ARHGAP39: variants seen among roughly 807,000 people sequenced by gnomAD.
ARHGAP39 encodes the protein rho GTPase-activating protein 39.
Under a neutral mutation model 106.9 loss-of-function variants are expected in ARHGAP39, and 44 were observed. The observed-to-expected ratio is 0.41, with a 90% CI of 0.32 to 0.53. ARHGAP39 has a LOEUF of 0.53. ARHGAP39 is among the 20% of genes least tolerant of loss of function. The probability of loss-of-function intolerance (pLI) is 0.21; values close to 1 mark genes in which losing one functional copy is unlikely to be tolerated. For missense variants in ARHGAP39, 1,496 were observed against 1,577.3 expected, an observed-to-expected ratio of 0.95 and a Z score of 0.87; for synonymous variants, 768 against 693.2, an observed-to-expected ratio of 1.11 and a Z score of -1.69.
chr8:144,622,521 G>A (rs1340589375), intron 1 of ARHGAP39, among the ~76,000 whole-genome samples: 1 of 152,052 alleles, frequency 6.6e-6, no homozygotes, highest in African/African-American at 2.4e-5. Flanking sequence ...TCCCAGGAGA[G>A]GAGGCCCAGT....
At chr8:144,544,819 T>C (rs1442834008) in intron 6 of ARHGAP39, among the ~76,000 whole-genome samples, 2 of 152,252 alleles carry the variant, frequency 1.3e-5, no homozygotes, top group African/African-American at 2.4e-5. Flanking sequence ...GCCAGGACCA[T>C]GCCCAGAAGA....
intron 1 of ARHGAP39, among the ~76,000 whole-genome samples, chr8:144,666,564 A>G: frequency 6.6e-6 from 1 of 152,144 alleles, no homozygotes. Flanking sequence ...GTGATAGTGA[A>G]TAAGTCTCAC....
intron 3 of ARHGAP39, among the ~76,000 whole-genome samples, chr8:144,560,350 G>C (rs1337431529): frequency 2.0e-5 from 3 of 152,056 alleles, no homozygotes; most frequent in Admixed American, 1.3e-4. Flanking sequence ...CAGGAGAATC[G>C]CTTGAACCCA....
chr8:144,531,192 G>C (rs964633330), intron 10 of ARHGAP39, among the ~76,000 whole-genome samples: 1 of 147,842 alleles, frequency 6.8e-6, no homozygotes, highest in Non-Finnish European at 1.5e-5. Flanking sequence ...ACAGGGCAGA[G>C]AGCAGCAGGT....
At chr8:144,608,854 T>C (rs573240317) in intron 1 of ARHGAP39, among the ~76,000 whole-genome samples, 10 of 152,236 alleles carry the variant, frequency 6.6e-5, no homozygotes, top group Non-Finnish European at 1.3e-4. Flanking sequence ...CAAAATATAA[T>C]TTCCAATTTT....
At chr8:144,572,768 C>T (rs199676124) in intron 3 of ARHGAP39, among the ~76,000 whole-genome samples, 5 of 152,174 alleles carry the variant, frequency 3.3e-5, no homozygotes, top group South Asian at 4.2e-4. Flanking sequence ...AAAGAACTTA[C>T]ACAAATTTAC....
At chr8:144,605,748 A>T in intron 1 of ARHGAP39, 53 bp from the exon 2 acceptor site, 3 of 830,452 alleles carry the variant, frequency 3.6e-6, no homozygotes, top group Non-Finnish European at 5.8e-6. Context: ...TCACCACACC[A>T]ATCACCCGGC....
intron 1 of ARHGAP39, among the ~76,000 whole-genome samples, chr8:144,664,380 C>G (rs1821907818): frequency 6.6e-6 from 1 of 152,176 alleles, no homozygotes; most frequent in African/African-American, 2.4e-5. Flanking sequence ...ATGGCCACTA[C>G]CCAACTTCAG....
intron 1 of ARHGAP39, among the ~76,000 whole-genome samples, chr8:144,668,172 T>C (rs924122896): frequency 1.3e-5 from 2 of 152,182 alleles, no homozygotes; most frequent in African/African-American, 4.8e-5. Flanking sequence ...CCAGGTGCAG[T>C]GGCTTACACC....
At chr8:144,693,090 A>G in the ARHGAP39 span, among the ~76,000 whole-genome samples, 1 of 87,124 alleles carries the variant, frequency 1.1e-5, no homozygotes, top group Non-Finnish European at 2.1e-5. Context: ...ATTGAGACAG[A>G]GCCTTGCTCT....
intron 1 of ARHGAP39, among the ~76,000 whole-genome samples, chr8:144,623,938 A>G (rs955542369): frequency 2.0e-5 from 3 of 152,214 alleles, no homozygotes; most frequent in Non-Finnish European, 2.9e-5. Context: ...TTGGGGTGAC[A>G]ACAGCACACC....
chr8:144,582,025 C>T (rs886438197), intron 2 of ARHGAP39, among the ~76,000 whole-genome samples: 1 of 152,104 alleles, frequency 6.6e-6, no homozygotes, highest in Non-Finnish European at 1.5e-5. Context: ...TCGCCATCAC[C>T]GGGCTGGTGA....
chr8:144,547,390 C>T lies in ARHGAP39; in HGVS notation c.1696G>A (p.Ala566Thr), dbSNP rs769319003. ...QARLAWEAQQ[A>T]HFHMKQRSSW... is the part of the protein sequence containing the mutation. ...CTCCTCTGCTTCATGTGGAAGTGGGCCTGCTGCGCCTCCCAGGCCAGCCGA... is the reference window on the plus strand; with the variant it reads ...CTCCTCTGCTTCATGTGGAAGTGGGTCTGCTGCGCCTCCCAGGCCAGCCGA... The change falls in exon 5 of 12, where the codon GCC becomes ACC. Residue 566 changes from alanine to threonine, a missense_variant. This residue lies in a region of ARHGAP39 where 905 missense variants were observed against 816.4 expected (regional missense o/e 1.11). Transcript: ENST00000377307. The surrounding 1 kb of genome is among the most constrained non-coding windows in gnomAD (Gnocchi z 5.2). 2 of 1,595,196 alleles carry T rather than the reference C, an allele frequency of 1.3e-6. No homozygotes were observed. The highest frequency in any genetic ancestry group is 1.7e-6 in the Non-Finnish European group (2 of 1,177,102).
chr8:144,540,312 T>C (rs1446654878), intron 6 of ARHGAP39, among the ~76,000 whole-genome samples: 3 of 152,160 alleles, frequency 2.0e-5, no homozygotes, highest in Non-Finnish European at 2.9e-5. Flanking sequence ...AGGGGGATCA[T>C]AGCTTGAGCC....
At chr8:144,676,571 T>C (rs1419792537) in intron 1 of ARHGAP39, among the ~76,000 whole-genome samples, 2 of 152,212 alleles carry the variant, frequency 1.3e-5, no homozygotes, top group African/African-American at 4.8e-5. Context: ...TTTACAAACC[T>C]TTAGCTAGAC....
In ARHGAP39 at chr8:144,530,650, G is replaced by C. The variant is rs367901706; in HGVS notation, c.3151-34C>G. 3 of 1,534,234 alleles carry C rather than the reference G, an allele frequency of 2.0e-6. No homozygotes were observed. In the South Asian group the frequency reaches 3.6e-5, roughly 18 times the overall value. The stretch of plus-strand genomic sequence containing the variant: ...GGAGCGAGGGTGGGCGCGGAGGGGC[G>C]GGGGCGGGGCGGGGAGGGGAAAGCA... On this transcript the variant is annotated intron_variant, in intron 11 of 11. Transcript: ENST00000377307.
rs368603081 is a variant in ARHGAP39, at chr8:144,660,948, G to A, written c.-82+24738C>T. Among the ~76,000 whole-genome samples the A allele has an allele frequency of 2.5e-3, 386 of 152,092 alleles. 2 individuals carry two copies. Among genetic ancestry groups the A allele is most frequent in the African/African-American group, 8.9e-3 (369 of 41,464 alleles). ...TGCAGTGAGCTGAGATTGTGCCATC[G>A]CACTCCAGCCTGGGTGACAGAATGA... On this transcript the variant is annotated intron_variant, in intron 1 of 11. Coordinates refer to ENST00000377307, the MANE Select transcript of ARHGAP39 (RefSeq NM_025251.3).
chr8:144,591,518 T>C lies in ARHGAP39; in HGVS notation c.81-10241A>G, dbSNP rs916060656. ...TTGTTTGCATCCCCTTCCACCATGA[T>C]TGTTCCCTGGGCGCCCCAGCCATGC... On this transcript the variant is annotated intron_variant, in intron 2 of 11. Transcript: ENST00000377307. The surrounding 1 kb of genome is among the most constrained non-coding windows in gnomAD (Gnocchi z 5.3). 5.9e-5 allele frequency among the ~76,000 whole-genome samples: 9 copies of C among 152,124 alleles called. No homozygotes were observed. The highest frequency in any genetic ancestry group is 1.9e-4 in the East Asian group (1 of 5,176).
At chr8:144,635,853 G>T (rs1821160704) in intron 1 of ARHGAP39, among the ~76,000 whole-genome samples, 1 of 119,624 alleles carries the variant, frequency 8.4e-6, no homozygotes, top group South Asian at 3.3e-4. Context: ...TTAGAGGGGG[G>T]CTGAGGCTAC....
Sources: allele counts gnomAD v4.1 joint callset (sites outside exome capture counted in the v4.1 genomes callset), GRCh38; gene constraint gnomAD v4.1.1; regional missense constraint gnomAD v4.1.1; non-coding constraint Gnocchi (gnomAD v3.1); transcripts MANE v1.5; gene names NCBI Gene and HGNC (gene_info 2026-07-23, HGNC 2026-07-21).